C8orf89: variants seen among roughly 807,000 people sequenced by gnomAD.
C8orf89 encodes chromosome 8 open reading frame 89.
A neutral mutation model predicts 15.8 loss-of-function variants in C8orf89; 14 were observed. The observed-to-expected ratio is 0.89, with a 90% CI of 0.59 to 1.39. The LOEUF (loss-of-function observed/expected upper bound fraction) is 1.39, where lower values mean the gene tolerates loss of function less well. C8orf89 is among the 40% of genes most tolerant of loss of function. The pLI is 0.00. For missense variants in C8orf89, 181 were observed against 184.5 expected (o/e 0.98, Z 0.11); for synonymous variants, 55 against 62.2 (o/e 0.88, Z 0.54).
chr8:73,281,224 G>T, the C8orf89 span, among the ~76,000 whole-genome samples: 1 of 152,032 alleles, frequency 6.6e-6, no homozygotes, highest in Admixed American at 6.6e-5. Flanking sequence ...TTTGAGACCA[G>T]CCTAGGCAAC....
chr8:73,247,771 T>C (rs1813158687), intron 3 of C8orf89, among the ~76,000 whole-genome samples: 2 of 152,318 alleles, frequency 1.3e-5, no homozygotes, highest in South Asian at 4.1e-4. Flanking sequence ...TCATGTCCTT[T>C]GTCCACTTTT....
At chr8:73,264,003 T>C (rs145619329), upstream of C8orf89, among the ~76,000 whole-genome samples, 2 of 151,936 alleles carry the variant, frequency 1.3e-5, no homozygotes, top group African/African-American at 4.9e-5. Context: ...ATTTAATATA[T>C]ACATTATTGA....
At chr8:73,250,094 A>G (rs962098491) in intron 3 of C8orf89, among the ~76,000 whole-genome samples, 174 bp downstream of exon 3, 16 of 152,330 alleles carry the variant, frequency 1.1e-4, no homozygotes, top group East Asian at 9.6e-4. Flanking sequence ...AAATTATAAA[A>G]GTATGTTTAT....
intron 3 of C8orf89, among the ~76,000 whole-genome samples, chr8:73,245,885 C>G (rs1019723449): frequency 2.6e-5 from 4 of 152,154 alleles, no homozygotes; most frequent in South Asian, 2.1e-4. Flanking sequence ...TGAATTTCCT[C>G]AAACTTTCGA....
At chr8:73,275,471 CA>C in the C8orf89 span, among the ~76,000 whole-genome samples, 1 of 152,096 alleles carries the variant, frequency 6.6e-6, no homozygotes, top group Non-Finnish European at 1.5e-5. Flanking sequence ...CTCCTGACCT[CA>C]AGTGATCAAC....
chr8:73,255,401 A>C (rs886813403), intron 2 of C8orf89, among the ~76,000 whole-genome samples: 7 of 150,964 alleles, frequency 4.6e-5, no homozygotes, highest in Non-Finnish European at 8.9e-5. Flanking sequence ...GAGAAATGCA[A>C]ATCAAAACCA....
At chr8:73,278,916 G>A in the C8orf89 span, among the ~76,000 whole-genome samples, 1 of 152,148 alleles carries the variant, frequency 6.6e-6, no homozygotes, top group East Asian at 1.9e-4. Flanking sequence ...TCTTAGGTAC[G>A]ACAACTCTTT....
At chr8:73,278,913 TACG>T in the C8orf89 span, among the ~76,000 whole-genome samples, 3 of 152,308 alleles carry the variant, frequency 2.0e-5, no homozygotes, top group South Asian at 6.2e-4. Flanking sequence ...GCATCTTAGG[TACG>T]ACAACTCTTT....
At chr8:73,267,730 G>T in the C8orf89 span, among the ~76,000 whole-genome samples, 76 of 152,188 alleles carry the variant, frequency 5.0e-4, no homozygotes, top group Non-Finnish European at 9.7e-4. Context: ...TCTAGGTGTT[G>T]CTGGGACAGT....
chr8:73,251,662 G>T (rs1563531380), intron 2 of C8orf89, among the ~76,000 whole-genome samples: 1 of 152,080 alleles, frequency 6.6e-6, no homozygotes, highest in African/African-American at 2.4e-5. Flanking sequence ...ATGAAAAACA[G>T]AAACAAACAA....
At chr8:73,244,983 GT>G (rs1251163585) in intron 3 of C8orf89, among the ~76,000 whole-genome samples, 2 of 152,176 alleles carry the variant, frequency 1.3e-5, no homozygotes, top group African/African-American at 4.8e-5. Context: ...AGAAAAAGAG[GT>G]TTAATGGACT....
chr8:73,262,947 A>T (rs1813556265), upstream of C8orf89, among the ~76,000 whole-genome samples: 1 of 152,190 alleles, frequency 6.6e-6, no homozygotes, highest in Admixed American at 6.5e-5. Flanking sequence ...CACGGTCTCT[A>T]CCTAATTCTA....
intron 3 of C8orf89, among the ~76,000 whole-genome samples, chr8:73,246,323 G>A (rs1328914499): frequency 6.6e-6 from 1 of 152,224 alleles, no homozygotes; most frequent in East Asian, 1.9e-4. Context: ...AAAGAGGCTG[G>A]CAAATGTTCA....
upstream of C8orf89, among the ~76,000 whole-genome samples, chr8:73,261,579 G>A (rs1374282719): frequency 6.6e-6 from 1 of 152,186 alleles, no homozygotes; most frequent in Non-Finnish European, 1.5e-5. Context: ...ATCCTGGAAA[G>A]TTATTTATTA....
At chr8:73,261,774 A>G (rs1033881727), upstream of C8orf89, among the ~76,000 whole-genome samples, 22 of 152,258 alleles carry the variant, frequency 1.4e-4, no homozygotes, top group African/African-American at 5.1e-4. Flanking sequence ...CAGGGACAGC[A>G]AAGGGAAGGG....
chr8:73,264,097 T>C (rs1813577943), upstream of C8orf89, among the ~76,000 whole-genome samples: 1 of 152,166 alleles, frequency 6.6e-6, no homozygotes, highest in South Asian at 2.1e-4. Context: ...CTTCTTGTGC[T>C]TAGGAACACT....
At position 73,258,061 on chromosome 8, in the gene C8orf89, C is replaced by T. The variant is rs11989157; in HGVS notation, c.128-935G>A. On this transcript the variant is annotated intron_variant, in intron 1 of 3. Transcript: ENST00000624510. Reference sequence around the variant, plus strand: ...TAAGAAAGTTGAAGAAAAAGTATAGCAACACATTCAAAGCCAAAGAGGGAT... The same window carrying T: ...TAAGAAAGTTGAAGAAAAAGTATAGTAACACATTCAAAGCCAAAGAGGGAT... Among the ~76,000 whole-genome samples the T allele has an allele frequency of 4.4e-3, 665 of 152,176 alleles. 7 individuals carry two copies. The highest frequency in any genetic ancestry group is 0.015 in the African/African-American group (642 of 41,504).
chr8:73,260,494 C>G (rs963664125), upstream of C8orf89, among the ~76,000 whole-genome samples: 1 of 151,956 alleles, frequency 6.6e-6, no homozygotes, highest in Admixed American at 6.6e-5. Context: ...ATGTAACAAA[C>G]CTGCACGTTG....
chr8:73,259,330 A>T lies in C8orf89; in HGVS notation c.127+2T>A. On this transcript the variant is annotated splice_donor_variant, in intron 1 of 3. Coordinates refer to ENST00000624510, the MANE Select transcript of C8orf89 (RefSeq NM_001243237.3). LOFTEE classifies it high-confidence loss of function. ...TAAGGAAAATAATAACAATAAAGTT[A>T]CCTTTCTTAATCTTTTGTGTTTCTA... 1 of 1,481,706 alleles carries T rather than the reference A, an allele frequency of 6.7e-7. No individual in the cohort carries two copies. Among genetic ancestry groups the T allele is most frequent in the Non-Finnish European group, 9.0e-7 (1 of 1,106,154 alleles). The allele number at this position is 1,481,706 out of a possible 1,614,324, so 91.8% of individuals were successfully genotyped here.
Sources: allele counts gnomAD v4.1 joint callset (sites outside exome capture counted in the v4.1 genomes callset), GRCh38; gene constraint gnomAD v4.1.1; transcripts MANE v1.5; gene names NCBI Gene and HGNC (gene_info 2026-07-23, HGNC 2026-07-21).